TTLL8: variants seen among roughly 807,000 people sequenced by gnomAD.
The protein encoded by TTLL8 is protein monoglycylase TTLL8.
In TTLL8, 65 loss-of-function variants were observed where a neutral mutation model predicts 77.8. The ratio of observed to expected loss-of-function variants is 0.84; its 90% confidence interval spans 0.68 to 1.03. TTLL8 has a LOEUF of 1.03. TTLL8 is among the 50% of genes least tolerant of loss of function. The pLI, the probability that TTLL8 is intolerant of heterozygous loss-of-function variation, is 0.00. For missense variants in TTLL8, 910 were observed against 1,004.5 expected, an observed-to-expected ratio of 0.91 and a Z score of 1.27; for synonymous variants, 402 against 422.8, an observed-to-expected ratio of 0.95 and a Z score of 0.60.
exon 11 of TTLL8, chr22:50,031,715 T>C: frequency 7.5e-7 from 1 of 1,330,766 alleles, no homozygotes; most frequent in Non-Finnish European, 1.0e-6. Context: ...AAGTTGCCGA[T>C]GTCACAGCTG....
chr22:50,025,972 T>C (rs1303841093), intron 12 of TTLL8, among the ~76,000 whole-genome samples: 2 of 152,034 alleles, frequency 1.3e-5, no homozygotes, highest in Admixed American at 6.5e-5. Context: ...AATGGGAAGT[T>C]TCTTCTAAAG....
At chr22:50,018,822 G>T (rs138611929) in intron 12 of TTLL8, among the ~76,000 whole-genome samples, 31 bp from the exon 14 acceptor site, 37 of 152,286 alleles carry the variant, frequency 2.4e-4, no homozygotes, top group African/African-American at 8.7e-4. Context: ...CAGACCAAAA[G>T]CTCATCCGAA....
intron 12 of TTLL8, among the ~76,000 whole-genome samples, chr22:50,025,922 C>T (rs113923644): frequency 2.0e-5 from 3 of 152,332 alleles, no homozygotes; most frequent in African/African-American, 7.2e-5. Context: ...AGGACTCTCA[C>T]GTGGCAGGTG....
chr22:50,040,904 C>A (rs972086094), intron 8 of TTLL8, among the ~76,000 whole-genome samples: 1 of 152,148 alleles, frequency 6.6e-6, no homozygotes, highest in Non-Finnish European at 1.5e-5. Flanking sequence ...GAACCCCTGG[C>A]CCCAGGAAGA....
upstream of TTLL8, chr22:50,055,276 G>C (rs1569235951): frequency 7.8e-7 from 1 of 1,290,094 alleles, no homozygotes; most frequent in East Asian, 5.6e-5. Context: ...TTTTGTATCT[G>C]TCTAATCTGG....
At chr22:50,031,551 A>T (rs2061292952) in intron 11 of TTLL8, 135 bp downstream of exon 12, 1 of 1,183,974 alleles carries the variant, frequency 8.4e-7, no homozygotes. Flanking sequence ...GAGCATGGTC[A>T]CAGAGCAGGA....
intron 4 of TTLL8, 77 bp from the exon 7 acceptor site, chr22:50,046,047 C>A: frequency 8.0e-7 from 1 of 1,255,694 alleles, no homozygotes; most frequent in Admixed American, 2.3e-5. Flanking sequence ...GAGGACGGGC[C>A]GTCCACCTCA....
intron 6 of TTLL8, among the ~76,000 whole-genome samples, chr22:50,043,528 G>C (rs1360878107): frequency 1.3e-5 from 1 of 77,760 alleles, no homozygotes; most frequent in Non-Finnish European, 2.7e-5. Flanking sequence ...GTGGTACCGA[G>C]ACACCCTTCG....
At position 50,044,532 on chromosome 22, in the gene TTLL8, G is replaced by A. The variant is rs550970619; in HGVS notation, c.643+723C>T. Among the ~76,000 whole-genome samples, 1 of 152,302 alleles carries A rather than the reference G, an allele frequency of 6.6e-6. No individual in the cohort carries two copies. The highest frequency in any genetic ancestry group is 2.4e-5 in the African/African-American group (1 of 41,566). ...CAGGATTTATTTCCTCTGTTTCCAC[G>A]TTTACCTAGAAGGGCTTTTCCCCTC... On this transcript the variant is annotated intron_variant, in intron 6 of 13. Coordinates refer to ENST00000266182, the Ensembl canonical transcript of TTLL8. The surrounding 1 kb of genome is among the most constrained non-coding windows in gnomAD (Gnocchi z 4.2).
At chr22:50,042,626 C>T (rs1271423105) in intron 6 of TTLL8, among the ~76,000 whole-genome samples, 1 of 152,182 alleles carries the variant, frequency 6.6e-6, no homozygotes, top group Non-Finnish European at 1.5e-5. Context: ...AAAATACCCT[C>T]AGAAATTCAT....
rs573580861 is a variant in TTLL8 at position 50,049,157 on chromosome 22, C to T, written c.264+92G>A. On this transcript the variant is annotated intron_variant, in intron 3 of 13. Coordinates refer to ENST00000266182, the Ensembl canonical transcript of TTLL8. ...TTGCCCTCGCCGGGCTGCCATCCCCCCAGGACATGGGAGAGTGGGCACGGA... is the reference window on the plus strand; with the variant it reads ...TTGCCCTCGCCGGGCTGCCATCCCCTCAGGACATGGGAGAGTGGGCACGGA... The T allele has an allele frequency of 2.2e-6, 3 of 1,348,838 alleles. No individual in the cohort carries two copies. The Admixed American group carries it at 5.8e-5, about 26-fold the overall frequency. The allele number at this position is 1,348,838 out of a possible 1,614,324, so 83.6% of individuals were successfully genotyped here.
chr22:50,033,533 G>A (rs1029331297), intron 9 of TTLL8, 88 bp from the exon 11 acceptor site: 3 of 1,196,472 alleles, frequency 2.5e-6, no homozygotes, highest in Non-Finnish European at 3.3e-6. Flanking sequence ...GTCGCAGCTT[G>A]GCCCTGAGAC....
chr22:50,045,322 C>T (rs763973451), exon 6 of TTLL8: 2 of 1,365,222 alleles, frequency 1.5e-6, no homozygotes, highest in Non-Finnish European at 2.0e-6. Flanking sequence ...TTCTGCTGCT[C>T]CTGCTGCAGC....
intron 1 of TTLL8, 84 bp from the exon 4 acceptor site, chr22:50,050,331 G>T: frequency 2.0e-6 from 2 of 1,020,880 alleles, no homozygotes; most frequent in South Asian, 1.4e-5. Flanking sequence ...AAGCTTGTTA[G>T]TGCTGGTTTC....
chr22:50,022,131 CATCT>C (rs1364670873), intron 12 of TTLL8, among the ~76,000 whole-genome samples: 2 of 150,976 alleles, frequency 1.3e-5, no homozygotes, highest in East Asian at 3.9e-4. Flanking sequence ...TGCACTCCTC[CATCT>C]GACATGCACT....
intron 8 of TTLL8, among the ~76,000 whole-genome samples, chr22:50,039,698 T>C (rs1475427339): frequency 7.0e-3 from 678 of 96,262 alleles, no homozygotes; most frequent in Middle Eastern, 0.053. Context: ...ACCTCACGGA[T>C]CTCATGTGTG....
At chr22:50,042,356 GC>G (rs1241895690) in intron 6 of TTLL8, among the ~76,000 whole-genome samples, 2 of 151,640 alleles carry the variant, frequency 1.3e-5, no homozygotes, top group African/African-American at 4.8e-5. Flanking sequence ...TGCTCTTGTC[GC>G]CCAGGCTGGA....
chr22:50,043,845 G>T (rs2061391568), intron 6 of TTLL8, among the ~76,000 whole-genome samples: 1 of 152,124 alleles, frequency 6.6e-6, no homozygotes, highest in African/African-American at 2.4e-5. Context: ...GAAGATCAGT[G>T]GTAGCCAAGA....
At chr22:50,049,194 G>A in intron 3 of TTLL8, 55 bp downstream of exon 5, 1 of 1,366,416 alleles carries the variant, frequency 7.3e-7, no homozygotes, top group Non-Finnish European at 9.8e-7. Flanking sequence ...CAGGGCGACG[G>A]TGTGAGAAGC....
Sources: allele counts gnomAD v4.1 joint callset (sites outside exome capture counted in the v4.1 genomes callset), GRCh38; gene constraint gnomAD v4.1.1; non-coding constraint Gnocchi (gnomAD v3.1); transcripts MANE v1.5; gene names NCBI Gene and HGNC (gene_info 2026-07-23, HGNC 2026-07-21).